ZBTB41: variants seen among roughly 807,000 people sequenced by gnomAD.
ZBTB41 encodes zinc finger and BTB domain-containing protein 41.
ZBTB41 carries 42 observed loss-of-function variants against 87.6 expected under a neutral mutation model. The observed-to-expected ratio is 0.48, with a 90% confidence interval of 0.37 to 0.62. The LOEUF (loss-of-function observed/expected upper bound fraction) is 0.62. ZBTB41 is among the 20% of genes least tolerant of loss of function. The probability of loss-of-function intolerance (pLI) is 0.00; values close to 1 mark genes in which losing one functional copy is unlikely to be tolerated. For synonymous variants in ZBTB41, 364 were observed against 364.0 expected (o/e 1.00, Z 0.00); for missense variants, 799 against 1,078.9 (o/e 0.74, Z 3.63).
intron 1 of ZBTB41, among the ~76,000 whole-genome samples, chr1:197,200,980 G>A (rs944929555): frequency 1.3e-5 from 2 of 152,192 alleles, no homozygotes; most frequent in African/African-American, 4.8e-5. Context: ...CCATTAACAT[G>A]CTTTCCTCGG....
chr1:197,182,422 C>T (rs1395582186), intron 5 of ZBTB41, among the ~76,000 whole-genome samples: 3 of 152,066 alleles, frequency 2.0e-5, no homozygotes, highest in African/African-American at 4.8e-5. Context: ...AATCCTTCCA[C>T]TTCAGCCTCC....
Position 197,159,414 on chromosome 1 carries a change from C to T in ZBTB41, c.2675G>A (p.Gly892Asp). The T allele has an allele frequency of 6.2e-7, 1 of 1,613,834 alleles. No individual in the cohort carries two copies. Among genetic ancestry groups the T allele is most frequent in the Non-Finnish European group, 8.5e-7 (1 of 1,179,766 alleles). Residue 892 changes from glycine to aspartate, a missense_variant, in exon 11 of 11, where the codon GGC (glycine) becomes GAC (aspartate). Coordinates refer to ENST00000367405, the MANE Select transcript of ZBTB41 (RefSeq NM_194314.3). ...REQSYLGTLL[G>D]LDSTTGVQNI... is the part of the protein sequence containing the mutation. ...TTGAACACCAGTAGTGCTATCAAGG[C>T]CCAGTAATGTTCCAAGATAAGATTG...
chr1:197,196,265 TA>T (rs987215021), intron 2 of ZBTB41, among the ~76,000 whole-genome samples: 4 of 152,178 alleles, frequency 2.6e-5, no homozygotes, highest in Non-Finnish European at 4.4e-5. Flanking sequence ...CCTGTGTTGT[TA>T]TTTTTTTAAA....
intron 5 of ZBTB41, among the ~76,000 whole-genome samples, chr1:197,186,406 T>A (rs972247569): frequency 6.6e-6 from 1 of 152,122 alleles, no homozygotes; most frequent in Non-Finnish European, 1.5e-5. Flanking sequence ...AAAGAAACAA[T>A]GGATAAATTG....
intron 5 of ZBTB41, among the ~76,000 whole-genome samples, chr1:197,182,884 ACT>A (rs1659787890): frequency 6.6e-6 from 1 of 152,128 alleles, no homozygotes; most frequent in Non-Finnish European, 1.5e-5. Context: ...TGAGTCAGAC[ACT>A]CTGGGAAATC....
In ZBTB41 at chr1:197,159,331, CA is replaced by C; in HGVS notation, c.*27del. ...TCTCTACCATTAGCATATAACCATC[CA>C]AAAATCTGTGGAATGTTTAGATTTA... On this transcript the variant is annotated 3_prime_UTR_variant, in exon 11 of 11. Transcript: ENST00000367405. The C allele has an allele frequency of 6.2e-7, 1 of 1,608,032 alleles. No homozygotes were observed. The highest frequency in any genetic ancestry group is 1.1e-5 in the South Asian group (1 of 90,704).
chr1:197,190,887 A>G, intron 3 of ZBTB41, 56 bp from the exon 4 acceptor site: 1 of 1,154,182 alleles, frequency 8.7e-7, no homozygotes, highest in African/African-American at 1.6e-5. Flanking sequence ...TTAAATCAAT[A>G]TTCCATGTGA....
In ZBTB41 at chr1:197,159,677, A is replaced by C; in HGVS notation, c.2412T>G (p.Ala804=). ...EAKTMLQNVS[A]EVCVPVTLVP... is the part of the protein sequence containing the mutation. ...CCAGAGTTACTGGAACACATACTTC[A>C]GCAGATACATTCTGTAACATCGTCT... The change falls in exon 11 of 11, where the codon GCT becomes GCG. Residue 804 remains alanine, a synonymous_variant. Coordinates refer to ENST00000367405, the MANE Select transcript of ZBTB41 (RefSeq NM_194314.3). 1 of 1,614,026 alleles carries C rather than the reference A, an allele frequency of 6.2e-7. No individual in the cohort carries two copies. Among genetic ancestry groups the C allele is most frequent in the Admixed American group, 1.7e-5 (1 of 59,990 alleles).
intron 7 of ZBTB41, among the ~76,000 whole-genome samples, chr1:197,177,715 C>A (rs534605196): frequency 6.0e-4 from 91 of 152,054 alleles, no homozygotes; most frequent in Middle Eastern, 6.8e-3. Context: ...GCCTCTCTCT[C>A]TATATATATT....
At chr1:197,175,617 T>C (rs1659586857) in intron 8 of ZBTB41, among the ~76,000 whole-genome samples, 1 of 151,260 alleles carries the variant, frequency 6.6e-6, no homozygotes, top group South Asian at 2.1e-4. Context: ...ACAAATATAA[T>C]GAAAAATTCT....
At chr1:197,164,082 G>C (rs1337059046) in intron 10 of ZBTB41, among the ~76,000 whole-genome samples, 1 of 151,930 alleles carries the variant, frequency 6.6e-6, no homozygotes, top group Non-Finnish European at 1.5e-5. Context: ...GGTTTTAAGA[G>C]ACATGAAGAA....
At chr1:197,180,789 T>G (rs1311039216) in intron 6 of ZBTB41, among the ~76,000 whole-genome samples, 199 bp downstream of exon 6, 1 of 152,168 alleles carries the variant, frequency 6.6e-6, no homozygotes, top group African/African-American at 2.4e-5. Flanking sequence ...CATTAAATCA[T>G]CCATCTAAAA....
intron 4 of ZBTB41, 131 bp downstream of exon 4, chr1:197,190,631 T>A (rs1473100523): frequency 3.5e-6 from 2 of 572,956 alleles, no homozygotes; most frequent in Non-Finnish European, 6.1e-6. Flanking sequence ...TTAGAATAAT[T>A]TTATATAAAA....
chr1:197,161,979 T>C (rs1293680329), intron 10 of ZBTB41, among the ~76,000 whole-genome samples: 1 of 152,058 alleles, frequency 6.6e-6, no homozygotes, highest in Non-Finnish European at 1.5e-5. Flanking sequence ...TCCTTAAGCA[T>C]TTTCATTAAA....
chr1:197,183,260 C>T (rs1224774666), intron 5 of ZBTB41, among the ~76,000 whole-genome samples: 1 of 152,108 alleles, frequency 6.6e-6, no homozygotes, highest in Non-Finnish European at 1.5e-5. Flanking sequence ...GAAAACTATG[C>T]CTGGCTCTAC....
chr1:197,167,941 T>A (rs888540367), intron 10 of ZBTB41, among the ~76,000 whole-genome samples: 3 of 151,098 alleles, frequency 2.0e-5, no homozygotes, highest in Non-Finnish European at 3.0e-5. Context: ...AGAGAGAGAG[T>A]GTGTGTTATA....
chr1:197,155,597 TTTTAA>T lies in ZBTB41; in HGVS notation c.*3757_*3761del, dbSNP rs1235598066. The T allele has an allele frequency of 6.6e-6, 1 of 152,360 alleles. No individual in the cohort carries two copies. Among genetic ancestry groups the T allele is most frequent in the Non-Finnish European group, 1.5e-5 (1 of 67,828 alleles). 9.4% of individuals were successfully genotyped at this position (152,360 alleles called of 1,614,324 possible). On this transcript the variant is annotated 3_prime_UTR_variant, in exon 11 of 11. Transcript: ENST00000367405. ...TATAAACATATTAGTTTAACTGTGT[TTTTAA>T]TTTGTTTGCAATTATATTGAAAAGC...
chr1:197,171,017 G>A (rs1373205678), intron 10 of ZBTB41, among the ~76,000 whole-genome samples: 2 of 152,052 alleles, frequency 1.3e-5, no homozygotes, highest in Non-Finnish European at 2.9e-5. Context: ...GTTCCACATT[G>A]TCACTGGCCA....
chr1:197,156,781 A>C lies in ZBTB41; in HGVS notation c.*2578T>G, dbSNP rs1659077582. Reference sequence around the variant, plus strand: ...AATCATCCACTGAAACTATTACTTCACCAGAATTATATTACGCATCTCCCA... The same window carrying C: ...AATCATCCACTGAAACTATTACTTCCCCAGAATTATATTACGCATCTCCCA... On this transcript the variant is annotated 3_prime_UTR_variant, in exon 11 of 11. Transcript: ENST00000367405. The C allele has an allele frequency of 6.6e-6, 1 of 152,186 alleles. No individual in the cohort carries two copies. Among genetic ancestry groups the C allele is most frequent in the South Asian group, 2.1e-4 (1 of 4,822 alleles). The allele number at this position is 152,186 out of a possible 1,614,324, so 9.4% of individuals were successfully genotyped here.
Sources: gnomAD v4.1 joint callset for allele counts (sites outside exome capture counted in the v4.1 genomes callset) on GRCh38, gnomAD v4.1.1 for gene constraint, MANE v1.5 for transcripts, NCBI Gene and HGNC (gene_info 2026-07-23, HGNC 2026-07-21) for gene names.